The following ANKRD36B variants were observed in gnomAD, a reference collection of about 807,000 sequenced individuals.
ANKRD36B encodes ankyrin repeat domain 36B.
In ANKRD36B, 37 loss-of-function variants were observed where a neutral mutation model predicts 135.7. The ratio of observed to expected loss-of-function variants is 0.27; its 90% CI spans 0.21 to 0.36. ANKRD36B has a LOEUF of 0.36. Ranked by LOEUF, ANKRD36B falls within the 10% of genes least tolerant of loss-of-function variation. The pLI, the probability that ANKRD36B is intolerant of heterozygous loss-of-function variation, is 1.00. For missense variants in ANKRD36B, 549 were observed against 1,037.1 expected (o/e 0.53, Z 6.46); for synonymous variants, 179 against 348.1 (o/e 0.51, Z 5.41).
intron 20 of ANKRD36B, among the ~76,000 whole-genome samples, chr2:97,548,533 C>G (rs1214775809): frequency 1.3e-5 from 2 of 151,962 alleles, no homozygotes; most frequent in African/African-American, 4.8e-5. Flanking sequence ...TTGAAAATGA[C>G]CATTTTAGGA....
chr2:97,568,383 T>C (rs543077722), intron 6 of ANKRD36B, among the ~76,000 whole-genome samples: 1 of 152,242 alleles, frequency 6.6e-6, no homozygotes, highest in South Asian at 2.1e-4. Flanking sequence ...AAACACAGGA[T>C]ACAGAGTAGG....
chr2:97,559,089 T>TGTGTAG (rs1266688965), intron 8 of ANKRD36B, 95 bp from the exon 9 acceptor site: 1 of 1,551,608 alleles, frequency 6.4e-7, no homozygotes, highest in Non-Finnish European at 8.7e-7. Context: ...TGTATCTTCC[T>TGTGTAG]GCCTGTACTA....
chr2:97,532,090 C>T lies in ANKRD36B; in HGVS notation c.2265+221G>A. On this transcript the variant is annotated intron_variant, in intron 35 of 43. Coordinates refer to ENST00000359901, the MANE Select transcript of ANKRD36B (RefSeq NM_001393939.1). The stretch of plus-strand genomic sequence containing the variant: ...ATAGAAGTGCAAACAATATCAGGAA[C>T]TTTTTAACTCAATTCCAAGAGTAAA... Among the ~76,000 whole-genome samples the T allele has an allele frequency of 2.1e-5, 2 of 96,618 alleles. 1 individual carries two copies. Among genetic ancestry groups the T allele is most frequent in the Non-Finnish European group, 5.5e-5 (2 of 36,354 alleles). The allele number at this position is 96,618 out of a possible 152,430, so 63.4% of individuals were successfully genotyped here.
At chr2:97,576,153 T>C (rs1169287774) in intron 6 of ANKRD36B, among the ~76,000 whole-genome samples, 1 of 151,204 alleles carries the variant, frequency 6.6e-6, no homozygotes, top group African/African-American at 2.4e-5. Flanking sequence ...TCATCTAGAA[T>C]ACTAGGAACG....
chr2:97,568,465 T>C (rs1192531212), intron 6 of ANKRD36B, among the ~76,000 whole-genome samples: 1 of 152,174 alleles, frequency 6.6e-6, no homozygotes, highest in Non-Finnish European at 1.5e-5. Flanking sequence ...GTCCTTACTC[T>C]CACTAATCCT....
Position 97,566,016 on chromosome 2 carries a change from A to T in ANKRD36B, c.764-5156T>A, listed in dbSNP as rs527643635. Reference sequence around the variant, plus strand: ...GGGCAACATAGCAAGACTCTTTATTAAAAAAAAATCATACAGGCTGGGCAC... The same window carrying T: ...GGGCAACATAGCAAGACTCTTTATTTAAAAAAAATCATACAGGCTGGGCAC... On this transcript the variant is annotated intron_variant, in intron 6 of 43. Coordinates refer to ENST00000359901, the MANE Select transcript of ANKRD36B (RefSeq NM_001393939.1). Among the ~76,000 whole-genome samples the T allele has an allele frequency of 7.3e-5, 11 of 151,264 alleles. No individual in the cohort carries two copies. The East Asian group carries it at 1.4e-3, about 19-fold the overall frequency.
At chr2:97,550,056 A>T (rs1377542932) in intron 18 of ANKRD36B, among the ~76,000 whole-genome samples, 4 of 151,616 alleles carry the variant, frequency 2.6e-5, no homozygotes, top group Non-Finnish European at 5.9e-5. Context: ...TAAATTGCCC[A>T]ATAACTGAGA....
intron 35 of ANKRD36B, among the ~76,000 whole-genome samples, chr2:97,530,340 C>T (rs2078502983): frequency 2.1e-5 from 2 of 94,556 alleles, no homozygotes; most frequent in South Asian, 4.7e-4. Context: ...GCTGGGAAAA[C>T]TGGCTAGCCA....
rs532701970 is a variant in ANKRD36B, at chr2:97,572,168, A to C, written c.763+4211T>G. ...GTGGCATATACTTGTAGCAGTCTCAATGACTTAGGAGGCCGAGGTAGGAGG... is the reference window on the plus strand; with the variant it reads ...GTGGCATATACTTGTAGCAGTCTCACTGACTTAGGAGGCCGAGGTAGGAGG... On this transcript the variant is annotated intron_variant, in intron 6 of 43. Coordinates refer to ENST00000359901, the MANE Select transcript of ANKRD36B (RefSeq NM_001393939.1). 2.6e-3 allele frequency among the ~76,000 whole-genome samples: 391 copies of C among 152,198 alleles called. 1 individual carries two copies. Among genetic ancestry groups the C allele is most frequent in the Middle Eastern group, 6.8e-3 (2 of 292 alleles).
intron 35 of ANKRD36B, among the ~76,000 whole-genome samples, chr2:97,529,655 C>T (rs1285708738): frequency 1.0e-5 from 1 of 95,678 alleles, no homozygotes; most frequent in Admixed American, 9.3e-5. Context: ...CTAGAAAACC[C>T]CATTGTCTCA....
chr2:97,533,123 T>C (rs1220146381), intron 34 of ANKRD36B, among the ~76,000 whole-genome samples: 1 of 97,322 alleles, frequency 1.0e-5, no homozygotes, highest in Non-Finnish European at 2.7e-5. Flanking sequence ...CAGTCTCTTC[T>C]TTATATCTAA....
chr2:97,553,991 A>G (rs2080278311), intron 14 of ANKRD36B, among the ~76,000 whole-genome samples: 1 of 151,936 alleles, frequency 6.6e-6, no homozygotes, highest in Non-Finnish European at 1.5e-5. Context: ...AGTTTCCTGT[A>G]TTCTCTAGTT....
rs1181662436 is a variant in ANKRD36B, at chr2:97,532,020, C to T, written c.2265+291G>A. ...ATTTCTATTGCTTAAAATTGTAATTCAATATTTGATGTTACCTTCTTTATT... is the reference window on the plus strand; with the variant it reads ...ATTTCTATTGCTTAAAATTGTAATTTAATATTTGATGTTACCTTCTTTATT... On this transcript the variant is annotated intron_variant, in intron 35 of 43. Transcript: ENST00000359901. 2.1e-5 allele frequency among the ~76,000 whole-genome samples: 2 copies of T among 94,800 alleles called. 1 individual carries two copies. Among genetic ancestry groups the T allele is most frequent in the Non-Finnish European group, 5.6e-5 (2 of 35,764 alleles). The allele number at this position is 94,800 out of a possible 152,430, so 62.2% of individuals were successfully genotyped here.
rs1436185604 is a variant in ANKRD36B, at chr2:97,579,126, C to T, written c.558-83G>A. ...ATACTTTATCAACTTAACATGTTGCCTGTCCATGTAGAATTAACCCAATTA... is the reference window on the plus strand; with the variant it reads ...ATACTTTATCAACTTAACATGTTGCTTGTCCATGTAGAATTAACCCAATTA... On this transcript the variant is annotated intron_variant, in intron 4 of 43. Transcript: ENST00000359901. 3.6e-5 allele frequency: 48 copies of T among 1,331,280 alleles called. No homozygotes were observed. In the East Asian group the frequency reaches 1.1e-3, roughly 31 times the overall value. 82.5% of individuals were successfully genotyped at this position (1,331,280 alleles called of 1,614,324 possible).
chr2:97,497,989 TATG>T (rs1327879392), intron 43 of ANKRD36B, among the ~76,000 whole-genome samples: 2 of 26,920 alleles, frequency 7.4e-5, no homozygotes, highest in African/African-American at 2.2e-4. Flanking sequence ...TAGAAATAGA[TATG>T]ATAACAAAAA....
chr2:97,534,570 C>T (rs113075967), intron 34 of ANKRD36B, among the ~76,000 whole-genome samples: 3,540 of 94,714 alleles, frequency 0.037, 993 homozygotes, highest in East Asian at 0.17. Flanking sequence ...AACAGGTATA[C>T]GGAAAGGTGC....
At chr2:97,530,694 C>A (rs1338226849) in intron 35 of ANKRD36B, among the ~76,000 whole-genome samples, 1 of 95,606 alleles carries the variant, frequency 1.0e-5, no homozygotes, top group African/African-American at 3.1e-5. Context: ...ACAAAGAACT[C>A]AAACAAATTT....
chr2:97,578,361 T>C (rs1254505036), intron 5 of ANKRD36B, among the ~76,000 whole-genome samples: 1 of 152,092 alleles, frequency 6.6e-6, no homozygotes, highest in Non-Finnish European at 1.5e-5. Context: ...GTACTTTCAA[T>C]GGTAAGAAAG....
chr2:97,569,920 ATGAT>A (rs2081725396), intron 6 of ANKRD36B, among the ~76,000 whole-genome samples: 1 of 152,182 alleles, frequency 6.6e-6, no homozygotes, highest in Non-Finnish European at 1.5e-5. Flanking sequence ...TAACTGATAA[ATGAT>A]TGATTTTTTT....
Sources: gnomAD v4.1 joint callset for allele counts (sites outside exome capture counted in the v4.1 genomes callset) on GRCh38, gnomAD v4.1.1 for gene constraint, MANE v1.5 for transcripts, NCBI Gene and HGNC (gene_info 2026-07-23, HGNC 2026-07-21) for gene names.